The following ITPRID1 variants were observed in gnomAD, a reference collection of about 807,000 sequenced individuals.
ITPRID1 encodes the protein ITPR interacting domain containing 1, also known as protein ITPRID1.
ITPRID1 carries 96 observed loss-of-function variants against 95.4 expected under a neutral mutation model. The observed-to-expected ratio is 1.01, with a 90% CI of 0.85 to 1.19. ITPRID1 has a LOEUF of 1.19. Ranked by LOEUF, ITPRID1 falls within the 50% of genes most tolerant of loss-of-function variation. The pLI is 0.00. For missense variants in ITPRID1, 1,339 were observed against 1,252.9 expected (o/e 1.07, Z -1.04); for synonymous variants, 510 against 453.6 (o/e 1.12, Z -1.58).
At chr7:31,525,252 A>G (rs1783387161) in intron 1 of ITPRID1, among the ~76,000 whole-genome samples, 1 of 152,320 alleles carries the variant, frequency 6.6e-6, no homozygotes, top group African/African-American at 2.4e-5. Context: ...GCCACTGAGC[A>G]CTTGTGACTC....
chr7:31,628,008 A>G (rs1788632676), intron 10 of ITPRID1, among the ~76,000 whole-genome samples: 1 of 152,206 alleles, frequency 6.6e-6, no homozygotes, highest in African/African-American at 2.4e-5. Context: ...ATGTGGAAGC[A>G]CCTCAAGGTT....
intron 5 of ITPRID1, among the ~76,000 whole-genome samples, chr7:31,556,388 T>C (rs1015339628): frequency 6.6e-6 from 1 of 152,176 alleles, no homozygotes; most frequent in African/African-American, 2.4e-5. Context: ...CCATGGCCTG[T>C]GTGGTAGCAT....
At chr7:31,532,898 CA>C (rs1231419694) in intron 1 of ITPRID1, among the ~76,000 whole-genome samples, 1 of 152,166 alleles carries the variant, frequency 6.6e-6, no homozygotes, top group Non-Finnish European at 1.5e-5. Flanking sequence ...ATCCATTTTA[CA>C]TATGGCTGGA....
intron 10 of ITPRID1, among the ~76,000 whole-genome samples, chr7:31,595,889 TAAAGA>T (rs1156834839): frequency 2.6e-5 from 4 of 151,786 alleles, no homozygotes; most frequent in East Asian, 1.9e-4. Context: ...AATATCAAAA[TAAAGA>T]AAAGAAATGT....
intron 10 of ITPRID1, among the ~76,000 whole-genome samples, chr7:31,586,907 T>A (rs1320064481): frequency 6.6e-6 from 1 of 152,106 alleles, no homozygotes; most frequent in Admixed American, 6.6e-5. Flanking sequence ...AGACATGAAG[T>A]CCTTGCCCAT....
intron 10 of ITPRID1, among the ~76,000 whole-genome samples, chr7:31,621,669 C>T (rs1787910199): frequency 6.8e-6 from 1 of 147,380 alleles, no homozygotes; most frequent in Non-Finnish European, 1.5e-5. Flanking sequence ...AATGTAAAGA[C>T]CATCGAGACT....
rs2128165498 is a variant in ITPRID1 at position 31,612,778 on chromosome 7, A to T, written c.1229-29398A>T. Among the ~76,000 whole-genome samples the T allele has an allele frequency of 2.0e-5, 3 of 152,190 alleles. No homozygotes were observed. The South Asian group carries it at 6.2e-4, about 32-fold the overall frequency. On this transcript the variant is annotated intron_variant, in intron 10 of 14. Coordinates refer to ENST00000615280, the MANE Select transcript of ITPRID1 (RefSeq NM_001257967.3). ...AGCCTCGAGGTCTTTCAGATGTGAGAAATTAGGGTCTTCTCAGATCTTTCT... is the reference window on the plus strand; with the variant it reads ...AGCCTCGAGGTCTTTCAGATGTGAGTAATTAGGGTCTTCTCAGATCTTTCT...
intron 1 of ITPRID1, among the ~76,000 whole-genome samples, chr7:31,522,560 C>T (rs1783299674): frequency 6.6e-6 from 1 of 152,178 alleles, no homozygotes; most frequent in Non-Finnish European, 1.5e-5. Context: ...GTCCATATTA[C>T]TCAAAGTTGG....
chr7:31,520,542 TGTGTGTGTGTGTGTGTGTGTGTGAGA>T (rs1458141570), intron 1 of ITPRID1, among the ~76,000 whole-genome samples: 5 of 84,632 alleles, frequency 5.9e-5, no homozygotes, highest in South Asian at 3.8e-4. Flanking sequence ...TGTGTGTGTG[TGTGTGTGTGTGTGTGTGTGTGTGAGA>T]GAGAGAGAGA....
intron 10 of ITPRID1, among the ~76,000 whole-genome samples, chr7:31,590,013 G>C (rs950705302): frequency 6.6e-6 from 1 of 151,984 alleles, no homozygotes; most frequent in Non-Finnish European, 1.5e-5. Context: ...GAGAGGTATA[G>C]CAAAATGCTA....
rs775770208 is a variant in ITPRID1, at chr7:31,643,357, C to T, written c.1987C>T (p.Leu663Phe). Reference sequence around the variant, plus strand: ...TGACCTTGCTCAAACATCTGAAAAGCTCATTCCCCACCTCCATAAACTGCC... The same window carrying T: ...TGACCTTGCTCAAACATCTGAAAAGTTCATTCCCCACCTCCATAAACTGCC... ...ATDLAQTSEK[L>F]IPHLHKLPGD... The change falls in exon 12 of 15, where the codon CTC (leucine) becomes TTC (phenylalanine). Residue 663 changes from leucine to phenylalanine, a missense_variant. Transcript: ENST00000615280. The T allele has an allele frequency of 2.5e-6, 4 of 1,614,004 alleles. No homozygotes were observed. The South Asian group carries it at 4.4e-5, about 18-fold the overall frequency.
At chr7:31,529,097 G>A (rs1165109069) in intron 1 of ITPRID1, among the ~76,000 whole-genome samples, 3 of 152,104 alleles carry the variant, frequency 2.0e-5, no homozygotes, top group Non-Finnish European at 4.4e-5. Context: ...GAAATTCTAT[G>A]GATGATAAGA....
chr7:31,643,451 A>G lies in ITPRID1; in HGVS notation c.2081A>G (p.Glu694Gly), dbSNP rs1380856262. The change falls in exon 12 of 15, where the codon GAG becomes GGG. Residue 694 changes from glutamate (E) to glycine (G), a missense_variant. Glu to Gly is a moderately conservative substitution (Grantham distance 98). Transcript: ENST00000615280. The part of the protein sequence containing the change: ...LGQILPGTEA[E>G]MENLPLNTGS... ...CAGATACTACCTGGGACAGAAGCTGAGATGGAAAACCTTCCTCTAAATACT... is the reference window on the plus strand; with the variant it reads ...CAGATACTACCTGGGACAGAAGCTGGGATGGAAAACCTTCCTCTAAATACT... The G allele has an allele frequency of 6.2e-7, 1 of 1,614,006 alleles. No homozygotes were observed. The highest frequency in any genetic ancestry group is 2.2e-5 in the East Asian group (1 of 44,878).
intron 10 of ITPRID1, among the ~76,000 whole-genome samples, chr7:31,624,747 G>T (rs1788279632): frequency 6.6e-6 from 1 of 151,578 alleles, no homozygotes; most frequent in South Asian, 2.1e-4. Context: ...AAAAGCAATG[G>T]CAACAAAAGC....
At position 31,568,440 on chromosome 7, in the gene ITPRID1, G is replaced by A. The variant is rs185014447; in HGVS notation, c.257-1318G>A. Among the ~76,000 whole-genome samples the A allele has an allele frequency of 3.5e-4, 53 of 152,064 alleles. 1 individual carries two copies. The highest frequency in any genetic ancestry group is 1.3e-3 in the African/African-American group (53 of 41,464). On this transcript the variant is annotated intron_variant, in intron 5 of 14. Transcript: ENST00000615280. ...CCTAACCTCTATTATCTTTCTTATG[G>A]TAAAAATCTTTATGTTCTCATAGAA...
chr7:31,645,816 CT>C lies in ITPRID1; in HGVS notation c.2583+1864del, dbSNP rs201245231. Among the ~76,000 whole-genome samples the C allele has an allele frequency of 2.6e-3, 396 of 152,224 alleles. 1 individual carries two copies. Among genetic ancestry groups the C allele is most frequent in the African/African-American group, 8.9e-3 (371 of 41,550 alleles). ...GAGGCCAGGAATGCTGCAAAACATCCTAAAATACAGAGAACAGCCACCACAA... is the reference window on the plus strand; with the variant it reads ...GAGGCCAGGAATGCTGCAAAACATCCAAAATACAGAGAACAGCCACCACAA... On this transcript the variant is annotated intron_variant, in intron 12 of 14. Transcript: ENST00000615280.
intron 1 of ITPRID1, among the ~76,000 whole-genome samples, chr7:31,547,117 T>C (rs1054601265): frequency 4.3e-5 from 6 of 139,210 alleles, no homozygotes; most frequent in African/African-American, 1.5e-4. Context: ...ACCAGCATAC[T>C]GACTCAAGTG....
At chr7:31,537,534 A>C (rs1233612759) in intron 1 of ITPRID1, among the ~76,000 whole-genome samples, 2 of 152,146 alleles carry the variant, frequency 1.3e-5, no homozygotes, top group Non-Finnish European at 2.9e-5. Context: ...GGTTGGAAGT[A>C]ACATTCTTTT....
At chr7:31,607,015 T>C (rs933523990) in intron 10 of ITPRID1, among the ~76,000 whole-genome samples, 51 of 152,122 alleles carry the variant, frequency 3.4e-4, no homozygotes, top group African/African-American at 1.1e-3. Context: ...CATCCTTGGG[T>C]TTCTCTTTGC....
Sources: allele counts gnomAD v4.1 joint callset (sites outside exome capture counted in the v4.1 genomes callset), GRCh38; gene constraint gnomAD v4.1.1; transcripts MANE v1.5; gene names NCBI Gene and HGNC (gene_info 2026-07-23, HGNC 2026-07-21).